The following THTPA variants were observed in gnomAD, a reference collection of about 807,000 sequenced individuals.
The protein encoded by THTPA is thiamine-triphosphatase.
In THTPA, 16 loss-of-function variants were observed where a neutral mutation model predicts 16.5. The ratio of observed to expected loss-of-function variants is 0.97; its 90% CI spans 0.66 to 1.47. The LOEUF is 1.47. Among genes scored for constraint, THTPA ranks in the 40% most tolerant of loss-of-function variants. The pLI, the probability that THTPA is intolerant of heterozygous loss-of-function variation, is 0.00. For missense variants in THTPA, 281 were observed against 280.9 expected (o/e 1.00, Z 0.00); for synonymous variants, 110 against 115.5 (o/e 0.95, Z 0.30).
At chr14:23,517,123 C>G in the THTPA span, among the ~76,000 whole-genome samples, 1 of 152,196 alleles carries the variant, frequency 6.6e-6, no homozygotes, top group Non-Finnish European at 1.5e-5. Flanking sequence ...CATACTTAGA[C>G]TACTGCCAGA....
At chr14:23,554,549 A>ATT (rs35367737), upstream of THTPA, among the ~76,000 whole-genome samples, 25 of 135,656 alleles carry the variant, frequency 1.8e-4, no homozygotes, top group South Asian at 3.5e-3. Context: ...GCTAATTAAA[A>ATT]TTTTTTTTTT....
chr14:23,522,151 T>G, the THTPA span: 4 of 1,515,562 alleles, frequency 2.6e-6, no homozygotes, highest in South Asian at 5.0e-5. Flanking sequence ...GGTGGGAGGC[T>G]AGGGCTTCAC....
the THTPA span, chr14:23,532,993 G>C: frequency 6.5e-7 from 1 of 1,536,208 alleles, no homozygotes; most frequent in African/African-American, 1.4e-5. Flanking sequence ...ACAGGCTGTC[G>C]TCTGGGGGTG....
chr14:23,528,731 C>A, the THTPA span: 9 of 985,414 alleles, frequency 9.1e-6, no homozygotes, highest in Non-Finnish European at 1.1e-5. Flanking sequence ...TGAATAAACA[C>A]CACAGCTCCC....
the THTPA span, chr14:23,531,794 T>C: frequency 5.5e-6 from 7 of 1,265,514 alleles, no homozygotes; most frequent in African/African-American, 1.5e-5. Context: ...TTTTTTTTTT[T>C]CTAGAGAGAG....
chr14:23,549,243 G>T, the THTPA span, among the ~76,000 whole-genome samples: 1 of 151,990 alleles, frequency 6.6e-6, no homozygotes, highest in Non-Finnish European at 1.5e-5. Flanking sequence ...AGTCCGCATA[G>T]ATTTTCCTCC....
the THTPA span, chr14:23,524,353 G>T: frequency 6.5e-7 from 1 of 1,536,276 alleles, no homozygotes; most frequent in Non-Finnish European, 8.7e-7. This position sits in a 1 kb window ranked among gnomAD's most constrained non-coding sequence, Gnocchi z 5.6. Context: ...CAGGCAAGAT[G>T]GTGGTGCGCA....
chr14:23,557,391 C>G, intron 1 of THTPA, 87 bp downstream of exon 1: 1 of 1,385,364 alleles, frequency 7.2e-7, no homozygotes, highest in East Asian at 2.5e-5. Context: ...TGGGGGAGGG[C>G]CTCCGGATTA....
chr14:23,527,664 G>T, the THTPA span: 2 of 1,536,392 alleles, frequency 1.3e-6, no homozygotes, highest in Non-Finnish European at 1.7e-6. Flanking sequence ...TAAGGTGGAA[G>T]TGCAGGGCAG....
At chr14:23,519,056 T>G in the THTPA span, among the ~76,000 whole-genome samples, 1 of 152,270 alleles carries the variant, frequency 6.6e-6, no homozygotes, top group East Asian at 1.9e-4. Context: ...GGGTTCCAGG[T>G]AAGTACAGTT....
At chr14:23,519,244 C>T in the THTPA span, among the ~76,000 whole-genome samples, 1 of 152,120 alleles carries the variant, frequency 6.6e-6, no homozygotes, top group African/African-American at 2.4e-5. Flanking sequence ...AGATACAGCA[C>T]ACCACACTTC....
chr14:23,552,095 C>T (rs1002462646), upstream of THTPA, among the ~76,000 whole-genome samples: 44 of 152,176 alleles, frequency 2.9e-4, no homozygotes, highest in African/African-American at 1.0e-3. Context: ...TTCTCTTCTT[C>T]CTGCCTTATT....
the THTPA span, chr14:23,524,480 G>A: frequency 2.0e-6 from 3 of 1,531,770 alleles, no homozygotes; most frequent in Admixed American, 3.9e-5. This position sits in a 1 kb window ranked among gnomAD's most constrained non-coding sequence, Gnocchi z 5.6. Context: ...TGGTGAGGTG[G>A]CTGCCACCAG....
chr14:23,530,727 C>T, the THTPA span: 14 of 304,970 alleles, frequency 4.6e-5, no homozygotes, highest in South Asian at 1.4e-4. Context: ...GCGCCAGGAT[C>T]GTTAGCTATT....
rs1882499567 is a variant in THTPA, at chr14:23,557,241, G to A, written c.484G>A (p.Val162Met). 1.2e-6 allele frequency: 2 copies of A among 1,612,808 alleles called. No individual in the cohort carries two copies. Among genetic ancestry groups the A allele is most frequent in the East Asian group, 4.5e-5 (2 of 44,868 alleles). Reference sequence around the variant, plus strand: ...CGCTGTGGGTGAGGTAGAGGCCCTGGTGCATGAGGAGGCTGAAGTACCAAC... The same window carrying A: ...CGCTGTGGGTGAGGTAGAGGCCCTGATGCATGAGGAGGCTGAAGTACCAAC... ...GYAVGEVEAL[V>M]HEEAEVPTAL... The change falls in exon 1 of 2, where the codon GTG becomes ATG. Residue 162 changes from valine (V) to methionine (M), a missense_variant. Physicochemically the swap from Val to Met is conservative, Grantham distance 21. Transcript: ENST00000288014.
At chr14:23,544,777 C>T in the THTPA span, among the ~76,000 whole-genome samples, 1 of 152,212 alleles carries the variant, frequency 6.6e-6, no homozygotes, top group African/African-American at 2.4e-5. Context: ...TGAGGCCCCG[C>T]CCACTGGCCC....
the THTPA span, chr14:23,533,504 G>A: frequency 6.5e-7 from 1 of 1,536,106 alleles, no homozygotes; most frequent in Non-Finnish European, 8.7e-7. The surrounding 1 kb of genome is among the most constrained non-coding windows in gnomAD (Gnocchi z 4.8). Context: ...CCAGGTGGCA[G>A]GCCCAGCGGC....
Position 23,558,706 on chromosome 14 carries a change from C to G in THTPA, c.559C>G (p.Gln187Glu), listed in dbSNP as rs780534901. 2 of 1,614,124 alleles carry G rather than the reference C, an allele frequency of 1.2e-6. No homozygotes were observed. Among genetic ancestry groups the G allele is most frequent in the African/African-American group, 2.7e-5 (2 of 74,942 alleles). The stretch of plus-strand genomic sequence containing the variant: ...CCTTTTACCTGTAGGTGTGCCTGCA[C>G]AGGAGACAGCACCAGCCAAGCTGAT... Reference protein sequence around the residue: ...RLSSMLGVPAQETAPAKLIVY... With the variant: ...RLSSMLGVPAEETAPAKLIVY... Residue 187 changes from glutamine to glutamate, a missense_variant, in exon 2 of 2, where the codon CAG (glutamine) becomes GAG (glutamate). Physicochemically the swap from Gln to Glu is conservative, Grantham distance 29 (BLOSUM62 2). Coordinates refer to ENST00000288014, the MANE Select transcript of THTPA (RefSeq NM_024328.6).
At position 23,557,271 on chromosome 14, in the gene THTPA, C is replaced by A. The variant is rs878935156; in HGVS notation, c.514C>A (p.Leu172Ile). Residue 172 changes from leucine to isoleucine, a missense_variant, in exon 1 of 2, where the codon CTA becomes ATA. By Grantham distance (5) the Leu-to-Ile change is conservative (BLOSUM62 2). Coordinates refer to ENST00000288014, the MANE Select transcript of THTPA (RefSeq NM_024328.6). The stretch of plus-strand genomic sequence containing the variant: ...TGAGGAGGCTGAAGTACCAACTGCC[C>A]TAGAGAAGATCCACAGGCTCAGCAG... Reference protein sequence around the residue: ...VHEEAEVPTALEKIHRLSSML... With the variant: ...VHEEAEVPTAIEKIHRLSSML... 2.5e-6 allele frequency: 4 copies of A among 1,607,574 alleles called. No homozygotes were observed. Among genetic ancestry groups the A allele is most frequent in the African/African-American group, 2.7e-5 (2 of 74,888 alleles).
Sources: gnomAD v4.1 joint callset for allele counts (sites outside exome capture counted in the v4.1 genomes callset) on GRCh38, gnomAD v4.1.1 for gene constraint, Gnocchi (gnomAD v3.1) non-coding constraint, MANE v1.5 for transcripts, NCBI Gene and HGNC (gene_info 2026-07-23, HGNC 2026-07-21) for gene names.